The following TMEM67 variants were observed in gnomAD, a reference collection of about 807,000 sequenced individuals.
TMEM67 encodes the protein meckelin.
Under a neutral mutation model 136.6 loss-of-function variants are expected in TMEM67, and 124 were observed. The ratio of observed to expected loss-of-function variants is 0.91; its 90% CI spans 0.78 to 1.05. The LOEUF is 1.05. Ranked by LOEUF, TMEM67 falls within the 50% of genes least tolerant of loss-of-function variation. TMEM67 has a pLI of 0.00. For synonymous variants in TMEM67, 364 were observed against 390.5 expected, an observed-to-expected ratio of 0.93 and a Z score of 0.80; for missense variants, 1,107 against 1,178.4, an observed-to-expected ratio of 0.94 and a Z score of 0.89.
intron 7 of TMEM67, among the ~76,000 whole-genome samples, chr8:93,774,279 T>TCAC (rs1813443235): frequency 6.6e-6 from 1 of 152,182 alleles, no homozygotes; most frequent in African/African-American, 2.4e-5. Flanking sequence ...CCTCGCAAAG[T>TCAC]GCTGGGATTA....
chr8:93,808,386 T>C (rs1808509330), intron 23 of TMEM67, among the ~76,000 whole-genome samples: 1 of 109,166 alleles, frequency 9.2e-6, no homozygotes, highest in African/African-American at 3.2e-5. Flanking sequence ...TAAATATTTA[T>C]ATATTATATA....
At chr8:93,798,407 A>G (rs756193696) in intron 20 of TMEM67, among the ~76,000 whole-genome samples, 1 of 152,218 alleles carries the variant, frequency 6.6e-6, no homozygotes. Context: ...TTTTCAACAA[A>G]TTTGTATTGA....
intron 4 of TMEM67, 37 bp from the exon 5 acceptor site, chr8:93,765,369 T>C: frequency 1.3e-6 from 2 of 1,519,340 alleles, no homozygotes; most frequent in East Asian, 2.4e-5. Flanking sequence ...GTATAATTTA[T>C]TAACATTTTT....
chr8:93,813,250 C>T (rs1453034182), intron 26 of TMEM67, among the ~76,000 whole-genome samples: 1 of 152,014 alleles, frequency 6.6e-6, no homozygotes, highest in Non-Finnish European at 1.5e-5. Flanking sequence ...ACAATCTCGG[C>T]TCACTGCAAC....
At chr8:93,770,609 C>T (rs1813286974) in intron 6 of TMEM67, among the ~76,000 whole-genome samples, 1 of 152,102 alleles carries the variant, frequency 6.6e-6, no homozygotes, top group African/African-American at 2.4e-5. Flanking sequence ...CATGATTAGA[C>T]TCAGTGAAAC....
chr8:93,791,351 C>G, intron 15 of TMEM67, 32 bp downstream of exon 15: 1 of 1,396,884 alleles, frequency 7.2e-7, no homozygotes, highest in Non-Finnish European at 1.0e-6. Context: ...AAAATATATA[C>G]AGTGTATTTT....
intron 6 of TMEM67, among the ~76,000 whole-genome samples, chr8:93,769,958 T>A (rs999733323): frequency 1.3e-5 from 2 of 152,180 alleles, no homozygotes; most frequent in Non-Finnish European, 2.9e-5. Flanking sequence ...TAACAAGGCA[T>A]CCAATCCTAC....
At chr8:93,772,684 T>C (rs1266779216) in intron 7 of TMEM67, 33 bp downstream of exon 7, 3 of 1,536,026 alleles carry the variant, frequency 2.0e-6, no homozygotes, top group East Asian at 4.6e-5. Context: ...AATTTCATTT[T>C]ATTTTGAAGA....
chr8:93,814,236 T>G (rs572732436), intron 26 of TMEM67, among the ~76,000 whole-genome samples: 85 of 146,498 alleles, frequency 5.8e-4, no homozygotes, highest in African/African-American at 2.2e-3. Flanking sequence ...GCCTCCCAGG[T>G]TCATGCTATT....
chr8:93,787,962 C>T lies in TMEM67; in HGVS notation c.1518+13C>T, dbSNP rs1814190439. On this transcript the variant is annotated intron_variant, in intron 14 of 27. Coordinates refer to ENST00000453321, the MANE Select transcript of TMEM67 (RefSeq NM_153704.6). ...CCAGTCTGTGAAGGTGAGTTCCTGA[C>T]TTATTAGTGCCCTTGTATGTATAAA... is the stretch of plus-strand genomic sequence containing the variant. The T allele has an allele frequency of 6.4e-7, 1 of 1,563,010 alleles. No individual in the cohort carries two copies. The highest frequency in any genetic ancestry group is 8.8e-7 in the Non-Finnish European group (1 of 1,133,594).
chr8:93,828,120 C>T, the TMEM67 span, among the ~76,000 whole-genome samples: 2 of 152,148 alleles, frequency 1.3e-5, no homozygotes, highest in African/African-American at 4.8e-5. Context: ...GCCCTATTTA[C>T]AGACAAGTCT....
chr8:93,799,819 A>C (rs1814789354), intron 21 of TMEM67, 61 bp downstream of exon 21: 1 of 1,380,204 alleles, frequency 7.2e-7, no homozygotes, highest in Non-Finnish European at 1.0e-6. Flanking sequence ...AACTCTGCCT[A>C]ATTACTGATT....
chr8:93,826,814 AT>A, the TMEM67 span, among the ~76,000 whole-genome samples: 1 of 152,000 alleles, frequency 6.6e-6, no homozygotes, highest in South Asian at 2.1e-4. Context: ...AGTTTTATAT[AT>A]TTTTATGTTT....
chr8:93,793,196 A>C lies in TMEM67; in HGVS notation c.1576-2A>C, dbSNP rs1814461644. The C allele has an allele frequency of 6.2e-7, 1 of 1,613,184 alleles. No individual in the cohort carries two copies. The highest frequency in any genetic ancestry group is 2.2e-5 in the East Asian group (1 of 44,872). On this transcript the variant is annotated splice_acceptor_variant, in intron 15 of 27. Coordinates refer to ENST00000453321, the MANE Select transcript of TMEM67 (RefSeq NM_153704.6). LOFTEE classifies it high-confidence loss of function. ...ATTCTCAATTGTTCTTTTGTTTTTT[A>C]GATTGCTTTGGGTGTATTGGGTGGG...
chr8:93,780,003 G>A (rs953641713), intron 7 of TMEM67, among the ~76,000 whole-genome samples: 29 of 152,184 alleles, frequency 1.9e-4, no homozygotes, highest in Non-Finnish European at 3.2e-4. Flanking sequence ...GAGGCAGCAG[G>A]CCTTGCTGAA....
At chr8:93,769,841 C>T (rs1813254382) in intron 6 of TMEM67, among the ~76,000 whole-genome samples, 1 of 152,192 alleles carries the variant, frequency 6.6e-6, no homozygotes, top group Non-Finnish European at 1.5e-5. Context: ...TTTGTATTGA[C>T]TCCATAACAT....
chr8:93,775,905 T>C (rs1324334325), intron 7 of TMEM67, among the ~76,000 whole-genome samples: 1 of 152,208 alleles, frequency 6.6e-6, no homozygotes, highest in Non-Finnish European at 1.5e-5. Flanking sequence ...CATTGGTAGC[T>C]TGATGGGGAT....
At chr8:93,784,292 T>C (rs1209992996) in intron 11 of TMEM67, among the ~76,000 whole-genome samples, 1 of 152,220 alleles carries the variant, frequency 6.6e-6, no homozygotes, top group African/African-American at 2.4e-5. Context: ...TGCTCAGCAT[T>C]TTATCGTTAT....
Position 93,754,926 on chromosome 8 carries a change from C to T in TMEM67, c.12C>T (p.Arg4=). The change falls in exon 1 of 28, where the codon CGC becomes CGT. Residue 4 remains arginine (R), a synonymous_variant. Transcript: ENST00000453321. ...CCAGCGTCGGTACCATGGCGACGCG[C>T]GGTGGGGCTGGGGTGGCAATGGCGG... is the stretch of plus-strand genomic sequence containing the variant. MAT[R]GGAGVAMAVW... is the part of the protein sequence containing the mutation. 1.9e-6 allele frequency: 3 copies of T among 1,613,820 alleles called. No individual in the cohort carries two copies. The highest frequency in any genetic ancestry group is 2.5e-6 in the Non-Finnish European group (3 of 1,179,998).
Sources: allele counts gnomAD v4.1 joint callset (sites outside exome capture counted in the v4.1 genomes callset), GRCh38; gene constraint gnomAD v4.1.1; transcripts MANE v1.5; gene names NCBI Gene and HGNC (gene_info 2026-07-23, HGNC 2026-07-21).